Variants in NOVA1 observed in about 807,000 individuals in gnomAD.
NOVA1 encodes the protein RNA-binding protein Nova-1.
A neutral mutation model predicts 38.0 loss-of-function variants in NOVA1; 7 were observed. The ratio of observed to expected loss-of-function variants is 0.18; its 90% CI spans 0.10 to 0.35. The LOEUF is 0.35. Ranked by LOEUF, NOVA1 falls within the 10% of genes least tolerant of loss-of-function variation. The probability of loss-of-function intolerance (pLI) is 1.00; values close to 1 mark genes in which losing one functional copy is unlikely to be tolerated. For synonymous variants in NOVA1, 270 were observed against 232.5 expected (o/e 1.16, Z -1.47); for missense variants, 460 against 616.0 (o/e 0.75, Z 2.68).
intron 2 of NOVA1, among the ~76,000 whole-genome samples, chr14:26,505,074 TA>T (rs1002346625): frequency 6.6e-6 from 1 of 152,074 alleles, no homozygotes; most frequent in African/African-American, 2.4e-5. Flanking sequence ...AGGCCTGTAG[TA>T]AATCACATTC....
intron 2 of NOVA1, among the ~76,000 whole-genome samples, chr14:26,496,687 G>T (rs1293551604): frequency 6.6e-6 from 1 of 152,144 alleles, no homozygotes; most frequent in Non-Finnish European, 1.5e-5. Flanking sequence ...ATAAGGATGG[G>T]ATCCAGTTTC....
chr14:26,589,692 T>C (rs1269232259), intron 2 of NOVA1, among the ~76,000 whole-genome samples: 1 of 151,830 alleles, frequency 6.6e-6, no homozygotes, highest in Non-Finnish European at 1.5e-5. Context: ...ATGTTTTACA[T>C]ATGTACTGGT....
rs376351111 is a variant in NOVA1 at position 26,448,178 on chromosome 14, T to C, written c.1305A>G (p.Ala435=). Residue 435 remains alanine, a synonymous_variant, in exon 5 of 5, where the codon GCA becomes GCG. Coordinates refer to ENST00000539517, the MANE Select transcript of NOVA1 (RefSeq NM_002515.3). The surrounding 1 kb of genome is among the most constrained non-coding windows in gnomAD (Gnocchi z 5.3). ...EIAVPENLVG[A]ILGKGGKTLV... is the part of the protein sequence containing the mutation. ...ATGTTTTCCCTCCTTTGCCAAGTAT[T>C]GCACCAACTAAGTTTTCTGGCACTG... The C allele has an allele frequency of 2.8e-5, 46 of 1,614,108 alleles. No homozygotes were observed. In the African/African-American group the frequency reaches 5.7e-4, roughly 20 times the overall value.
chr14:26,528,294 T>C (rs1041951981), intron 2 of NOVA1, among the ~76,000 whole-genome samples: 1 of 152,140 alleles, frequency 6.6e-6, no homozygotes, highest in Non-Finnish European at 1.5e-5. Context: ...ATAATCATGA[T>C]AATGATGATG....
intron 2 of NOVA1, among the ~76,000 whole-genome samples, chr14:26,589,518 C>A (rs968106498): frequency 6.6e-6 from 1 of 151,728 alleles, no homozygotes; most frequent in African/African-American, 2.4e-5. Flanking sequence ...TTTGTTGGAA[C>A]ACTTCAAACT....
intron 2 of NOVA1, among the ~76,000 whole-genome samples, chr14:26,578,558 T>G (rs1594571446): frequency 6.6e-6 from 1 of 152,206 alleles, no homozygotes; most frequent in East Asian, 1.9e-4. Context: ...AGTAAAAGTA[T>G]TCAGATACTC....
At chr14:26,480,775 T>C (rs1885397659) in intron 2 of NOVA1, among the ~76,000 whole-genome samples, 1 of 152,070 alleles carries the variant, frequency 6.6e-6, no homozygotes, top group African/African-American at 2.4e-5. Flanking sequence ...TGGCACACAA[T>C]AGGTACACTG....
intron 4 of NOVA1, among the ~76,000 whole-genome samples, chr14:26,456,332 C>T (rs1381666484): frequency 6.6e-6 from 1 of 151,772 alleles, no homozygotes; most frequent in African/African-American, 2.4e-5. Context: ...ATCAGTCATC[C>T]AAGTGAAGAT....
chr14:26,470,866 G>C (rs1379733020), intron 4 of NOVA1, among the ~76,000 whole-genome samples: 1 of 151,984 alleles, frequency 6.6e-6, no homozygotes, highest in Non-Finnish European at 1.5e-5. Flanking sequence ...ATTTGGAAAA[G>C]ACTGAACAAT....
At chr14:26,498,208 C>T (rs1260707376) in intron 2 of NOVA1, among the ~76,000 whole-genome samples, 10 of 151,672 alleles carry the variant, frequency 6.6e-5, no homozygotes, top group Non-Finnish European at 1.0e-4. Context: ...TACAGGCGCC[C>T]GCCACCACGC....
chr14:26,497,010 G>A (rs1189402108), intron 2 of NOVA1, among the ~76,000 whole-genome samples: 1 of 152,136 alleles, frequency 6.6e-6, no homozygotes, highest in East Asian at 1.9e-4. Context: ...CTTTGAAGTA[G>A]TTTTTTCCAA....
chr14:26,480,239 AT>A (rs1885352735), intron 2 of NOVA1, 96 bp from the exon 3 acceptor site: 1 of 1,002,162 alleles, frequency 1.0e-6, no homozygotes, highest in African/African-American at 1.6e-5. Flanking sequence ...AAAATGTAAA[AT>A]GCAGAACTCT....
intron 2 of NOVA1, among the ~76,000 whole-genome samples, chr14:26,555,459 T>C (rs1812753774): frequency 6.6e-6 from 1 of 152,096 alleles, no homozygotes; most frequent in Non-Finnish European, 1.5e-5. Context: ...TCCTAAATTA[T>C]GACATGTATA....
chr14:26,553,126 A>G (rs1891262785), intron 2 of NOVA1, among the ~76,000 whole-genome samples: 1 of 152,220 alleles, frequency 6.6e-6, no homozygotes, highest in African/African-American at 2.4e-5. Flanking sequence ...TAGGAAGAAT[A>G]AAACTACTAG....
At chr14:26,453,164 T>A (rs1882844987) in intron 4 of NOVA1, among the ~76,000 whole-genome samples, 1 of 125,132 alleles carries the variant, frequency 8.0e-6, no homozygotes. Context: ...ACTGCTTCAA[T>A]TATGTATGTA....
Position 26,448,585 on chromosome 14 carries a change from A to C in NOVA1, c.898T>G (p.Phe300Val). 1 of 1,614,224 alleles carries C rather than the reference A, an allele frequency of 6.2e-7. No homozygotes were observed. The change falls in exon 5 of 5, where the codon TTT becomes GTT. Residue 300 changes from phenylalanine to valine, a missense_variant. By Grantham distance (50) the Phe-to-Val change is conservative. Transcript: ENST00000539517. This position sits in a 1 kb window ranked among gnomAD's most constrained non-coding sequence, Gnocchi z 5.3. ...GHANLAGVAA[F>V]PAVLSGFTGN... ...GTGAAGCCAGATAAAACTGCTGGAA[A>C]GGCTGCAACGCCAGCAAGGTTAGCA...
intron 2 of NOVA1, among the ~76,000 whole-genome samples, chr14:26,585,521 T>A (rs1053670109): frequency 1.3e-5 from 2 of 151,460 alleles, no homozygotes; most frequent in South Asian, 4.1e-4. Context: ...TTCTAATATA[T>A]CACTTTAATT....
chr14:26,447,877 TCA>T lies in NOVA1; in HGVS notation c.*80_*81del, dbSNP rs2138545515. The T allele has an allele frequency of 9.4e-7, 1 of 1,067,636 alleles. No homozygotes were observed. The highest frequency in any genetic ancestry group is 1.4e-6 in the Non-Finnish European group (1 of 720,356). 66.1% of individuals were successfully genotyped at this position (1,067,636 alleles called of 1,614,324 possible). ...ATTATATATTAATAACAGAAAAACT[TCA>T]CTTCTGCAAAGTACAGTACATCCTT... On this transcript the variant is annotated 3_prime_UTR_variant, in exon 5 of 5. Coordinates refer to ENST00000539517, the MANE Select transcript of NOVA1 (RefSeq NM_002515.3).
At chr14:26,512,006 T>C (rs899899485) in intron 2 of NOVA1, among the ~76,000 whole-genome samples, 3 of 152,146 alleles carry the variant, frequency 2.0e-5, no homozygotes, top group Admixed American at 1.3e-4. Flanking sequence ...ATTTCAAACT[T>C]GCTAAACTAG....
Sources: gnomAD v4.1 joint callset for allele counts (sites outside exome capture counted in the v4.1 genomes callset) on GRCh38, gnomAD v4.1.1 for gene constraint, Gnocchi (gnomAD v3.1) non-coding constraint, MANE v1.5 for transcripts, NCBI Gene and HGNC (gene_info 2026-07-23, HGNC 2026-07-21) for gene names.